FBP1: variants seen among roughly 807,000 people sequenced by gnomAD.
FBP1 encodes the protein fructose-1,6-bisphosphatase 1.
FBP1 carries 22 observed loss-of-function variants against 29.9 expected under a neutral mutation model. The ratio of observed to expected loss-of-function variants is 0.74; its 90% CI spans 0.53 to 1.05. The LOEUF (loss-of-function observed/expected upper bound fraction) is 1.05. Ranked by LOEUF, FBP1 falls within the 50% of genes least tolerant of loss-of-function variation. FBP1 has a pLI of 0.00. For missense variants in FBP1, 345 were observed against 448.2 expected (o/e 0.77, Z 2.08); for synonymous variants, 175 against 178.6 (o/e 0.98, Z 0.16).
At chr9:94,631,895 A>G (rs545297548) in intron 1 of FBP1, among the ~76,000 whole-genome samples, 1 of 152,232 alleles carries the variant, frequency 6.6e-6, no homozygotes, top group African/African-American at 2.4e-5. Context: ...AGCTGCTTTC[A>G]AAGGTCACAA....
chr9:94,629,921 C>T (rs529367293), intron 1 of FBP1, among the ~76,000 whole-genome samples: 2 of 152,148 alleles, frequency 1.3e-5, no homozygotes, highest in Non-Finnish European at 2.9e-5. Context: ...ACCTGTTGGG[C>T]CATCCTGAGG....
At position 94,618,823 on chromosome 9, in the gene FBP1, T is replaced by C. The variant is rs28369704; in HGVS notation, c.334-963A>G. On this transcript the variant is annotated intron_variant, in intron 2 of 6. Transcript: ENST00000375326. The stretch of plus-strand genomic sequence containing the variant: ...CTTCCCAACTCTGCCTTCAGTGATA[T>C]CACATTGGTAGCTTAAAATCAACGA... Among the ~76,000 whole-genome samples the C allele has an allele frequency of 7.9e-5, 12 of 152,276 alleles. No individual in the cohort carries two copies. In the East Asian group the frequency reaches 2.3e-3, roughly 29 times the overall value.
At chr9:94,625,592 G>C (rs1346799180) in intron 1 of FBP1, among the ~76,000 whole-genome samples, 1 of 152,160 alleles carries the variant, frequency 6.6e-6, no homozygotes, top group African/African-American at 2.4e-5. Flanking sequence ...TCAGGAGATC[G>C]AGACCATCCT....
chr9:94,635,635 G>C (rs1206745969), intron 1 of FBP1, among the ~76,000 whole-genome samples: 3 of 152,196 alleles, frequency 2.0e-5, no homozygotes. Flanking sequence ...CTACCTGCCT[G>C]ATGACATGTG....
intron 1 of FBP1, among the ~76,000 whole-genome samples, chr9:94,630,088 G>A (rs1173526604): frequency 2.0e-5 from 3 of 152,238 alleles, no homozygotes; most frequent in Non-Finnish European, 4.4e-5. Flanking sequence ...TGGCACATCT[G>A]AATGTGCCTC....
chr9:94,604,640 C>T (rs996771914), intron 6 of FBP1, among the ~76,000 whole-genome samples: 2 of 152,024 alleles, frequency 1.3e-5, no homozygotes, highest in East Asian at 3.9e-4. Context: ...AAAAATTAGT[C>T]GGGCGTGGTG....
At chr9:94,633,310 C>G (rs1339143561) in intron 1 of FBP1, among the ~76,000 whole-genome samples, 1 of 152,162 alleles carries the variant, frequency 6.6e-6, no homozygotes, top group African/African-American at 2.4e-5. Context: ...TTTCCCATAT[C>G]CTATCTTTCG....
intron 1 of FBP1, among the ~76,000 whole-genome samples, chr9:94,622,233 G>A (rs536190378): frequency 6.6e-6 from 1 of 152,226 alleles, no homozygotes; most frequent in African/African-American, 2.4e-5. Flanking sequence ...TCATAGCCTG[G>A]GGTTGCCCTG....
At chr9:94,625,924 C>T (rs1828020060) in intron 1 of FBP1, among the ~76,000 whole-genome samples, 1 of 152,232 alleles carries the variant, frequency 6.6e-6, no homozygotes, top group Admixed American at 6.5e-5. Context: ...GGGCTGCCTG[C>T]ATCCACCAAG....
chr9:94,630,606 G>A (rs1828090769), intron 1 of FBP1, among the ~76,000 whole-genome samples: 1 of 152,168 alleles, frequency 6.6e-6, no homozygotes, highest in Admixed American at 6.5e-5. Context: ...CTACAGAGAG[G>A]GGGCATAACT....
At chr9:94,608,718 C>G (rs1464836697) in intron 4 of FBP1, among the ~76,000 whole-genome samples, 1 of 151,886 alleles carries the variant, frequency 6.6e-6, no homozygotes. Flanking sequence ...AAGTCCACTT[C>G]CCTGACAGCC....
chr9:94,632,889 G>A (rs190945749), intron 1 of FBP1, among the ~76,000 whole-genome samples: 2 of 152,086 alleles, frequency 1.3e-5, no homozygotes, highest in African/African-American at 4.8e-5. Context: ...TCTCCAAAAC[G>A]TGCTCTGAAT....
chr9:94,618,987 T>TG (rs1827903136), intron 2 of FBP1, among the ~76,000 whole-genome samples: 1 of 152,194 alleles, frequency 6.6e-6, no homozygotes, highest in Non-Finnish European at 1.5e-5. Context: ...CGTTTTTAAA[T>TG]GTCTGTAGCA....
At chr9:94,622,590 G>C (rs552668178) in intron 1 of FBP1, among the ~76,000 whole-genome samples, 1 of 152,206 alleles carries the variant, frequency 6.6e-6, no homozygotes, top group East Asian at 1.9e-4. Context: ...CTGTCTTCTC[G>C]GGCCCGCCTG....
At chr9:94,606,698 C>T (rs2131472707) in intron 5 of FBP1, 117 bp downstream of exon 5, 1 of 1,022,342 alleles carries the variant, frequency 9.8e-7, no homozygotes, top group South Asian at 1.4e-5. Flanking sequence ...CCACATGAGG[C>T]CCAAGGCCCT....
chr9:94,627,203 A>C (rs1484215187), intron 1 of FBP1, among the ~76,000 whole-genome samples: 5 of 151,558 alleles, frequency 3.3e-5, no homozygotes, highest in Non-Finnish European at 7.4e-5. Context: ...AAAAAAAAAA[A>C]AATTAGCCGG....
intron 3 of FBP1, among the ~76,000 whole-genome samples, chr9:94,615,295 A>G (rs931383203): frequency 1.2e-4 from 18 of 152,288 alleles, no homozygotes; most frequent in Middle Eastern, 3.4e-3. Context: ...TTCATAATTC[A>G]AGCTGCTGTT....
At chr9:94,633,849 C>T (rs907901129) in intron 1 of FBP1, among the ~76,000 whole-genome samples, 1 of 151,676 alleles carries the variant, frequency 6.6e-6, no homozygotes, top group Non-Finnish European at 1.5e-5. Flanking sequence ...GGATTACAGG[C>T]GCCCGCCACC....
chr9:94,624,353 AAAG>A (rs1380465568), intron 1 of FBP1, among the ~76,000 whole-genome samples: 1 of 132,142 alleles, frequency 7.6e-6, no homozygotes, highest in Non-Finnish European at 1.6e-5. Flanking sequence ...AAAAAAAAAA[AAAG>A]AACAGGAGGA....
Sources: allele counts gnomAD v4.1 joint callset (sites outside exome capture counted in the v4.1 genomes callset), GRCh38; gene constraint gnomAD v4.1.1; transcripts MANE v1.5; gene names NCBI Gene and HGNC (gene_info 2026-07-23, HGNC 2026-07-21).